Variants in RBMS3 observed in about 807,000 individuals in gnomAD.
The protein encoded by RBMS3 is RNA-binding motif, single-stranded-interacting protein 3.
In RBMS3, 27 loss-of-function variants were observed where a neutral mutation model predicts 66.8. The ratio of observed to expected loss-of-function variants is 0.40; its 90% CI spans 0.30 to 0.56. RBMS3 has a LOEUF of 0.56. Among genes scored for constraint, RBMS3 ranks in the 20% least tolerant of loss-of-function variants. RBMS3 has a pLI of 0.40. For missense variants in RBMS3, 513 were observed against 549.5 expected, an observed-to-expected ratio of 0.93 and a Z score of 0.66; for synonymous variants, 188 against 183.0, an observed-to-expected ratio of 1.03 and a Z score of -0.22.
intron 4 of RBMS3, among the ~76,000 whole-genome samples, chr3:29,677,654 T>C (rs2051312649): frequency 6.6e-6 from 1 of 152,218 alleles, no homozygotes; most frequent in South Asian, 2.1e-4. Context: ...GTGGCATTTT[T>C]CCAGTTTTAC....
chr3:29,333,084 T>C (rs2035756031), intron 1 of RBMS3, among the ~76,000 whole-genome samples: 2 of 152,182 alleles, frequency 1.3e-5, no homozygotes, highest in Non-Finnish European at 2.9e-5. Context: ...ATGTACTTTT[T>C]TTCATTAGGA....
At chr3:29,716,113 C>T (rs760974551) in intron 4 of RBMS3, among the ~76,000 whole-genome samples, 6 of 152,118 alleles carry the variant, frequency 3.9e-5, no homozygotes, top group Non-Finnish European at 8.8e-5. Context: ...GTGAGGAAAA[C>T]GGAACTTTTA....
chr3:29,838,269 G>A (rs2058577955), intron 6 of RBMS3, among the ~76,000 whole-genome samples: 1 of 151,828 alleles, frequency 6.6e-6, no homozygotes, highest in South Asian at 2.1e-4. Context: ...AGCTTGAGAG[G>A]TGGAGGCTGC....
intron 1 of RBMS3, among the ~76,000 whole-genome samples, chr3:29,340,970 T>C (rs1250154057): frequency 6.6e-6 from 1 of 152,082 alleles, no homozygotes; most frequent in Non-Finnish European, 1.5e-5. Flanking sequence ...TTTAATATAT[T>C]TGTCTGTTTT....
intron 4 of RBMS3, chr3:29,731,062 G>A (rs1421540644): frequency 1.0e-6 from 1 of 979,118 alleles, no homozygotes; most frequent in Non-Finnish European, 1.2e-6. Context: ...ATCATTCACT[G>A]CCTAACTCAA....
At position 29,896,366 on chromosome 3, in the gene RBMS3, TA is replaced by T. The variant is rs532052597; in HGVS notation, c.792-1003del. Among the ~76,000 whole-genome samples, 85 of 145,660 alleles carry T rather than the reference TA, an allele frequency of 5.8e-4. 2 individuals carry two copies. The highest frequency in any genetic ancestry group is 1.8e-3 in the East Asian group (9 of 4,990). ...TAAATTCCAAGCTCAGTCATACTAT[TA>T]AAAAAAAAACAAAACATAGTAATTG... On this transcript the variant is annotated intron_variant, in intron 8 of 14. Coordinates refer to ENST00000383767, the MANE Select transcript of RBMS3 (RefSeq NM_001003793.3).
intron 1 of RBMS3, among the ~76,000 whole-genome samples, chr3:29,379,161 A>G (rs1038675480): frequency 1.3e-5 from 2 of 152,192 alleles, no homozygotes; most frequent in Admixed American, 1.3e-4. Flanking sequence ...GCCCTCACAT[A>G]CAGTGCAAGT....
At chr3:29,832,151 A>G (rs940084386) in intron 6 of RBMS3, among the ~76,000 whole-genome samples, 1 of 152,234 alleles carries the variant, frequency 6.6e-6, no homozygotes, top group Non-Finnish European at 1.5e-5. Flanking sequence ...AATGTATTTA[A>G]TACTTTTACT....
intron 4 of RBMS3, among the ~76,000 whole-genome samples, chr3:29,676,502 TATTC>T (rs1240114317): frequency 2.0e-5 from 3 of 152,250 alleles, no homozygotes; most frequent in African/African-American, 7.2e-5. Context: ...CAAATTCAAT[TATTC>T]ATATTACTGC....
chr3:29,627,560 A>G (rs888423348), intron 4 of RBMS3, among the ~76,000 whole-genome samples: 1 of 152,164 alleles, frequency 6.6e-6, no homozygotes, highest in African/African-American at 2.4e-5. Flanking sequence ...ATGTTAGCTT[A>G]GATACTACTT....
chr3:29,973,239 C>T (rs1697338795), intron 12 of RBMS3, among the ~76,000 whole-genome samples: 1 of 151,928 alleles, frequency 6.6e-6, no homozygotes, highest in Admixed American at 6.6e-5. Flanking sequence ...TTAAGGAACA[C>T]TGAAGAGGGT....
chr3:29,338,314 A>G (rs1367751883), intron 1 of RBMS3, among the ~76,000 whole-genome samples: 1 of 152,198 alleles, frequency 6.6e-6, no homozygotes, highest in Non-Finnish European at 1.5e-5. Context: ...ATAAAAGCAA[A>G]TAAAATGTGT....
chr3:29,533,645 C>T (rs2045447531), intron 3 of RBMS3, among the ~76,000 whole-genome samples: 2 of 152,038 alleles, frequency 1.3e-5, no homozygotes, highest in East Asian at 1.9e-4. Flanking sequence ...GGCATGATGG[C>T]ACATGCCTGT....
At chr3:29,499,253 C>T (rs189748197) in intron 3 of RBMS3, among the ~76,000 whole-genome samples, 64 of 151,438 alleles carry the variant, frequency 4.2e-4, no homozygotes, top group African/African-American at 1.4e-3. Flanking sequence ...TCATCATTTG[C>T]TTTGGTGCTA....
At chr3:29,795,114 T>A (rs1439677820) in intron 6 of RBMS3, among the ~76,000 whole-genome samples, 3 of 152,176 alleles carry the variant, frequency 2.0e-5, no homozygotes, top group Non-Finnish European at 4.4e-5. Context: ...TTATGTCAGC[T>A]GTTGTTTGAT....
chr3:29,964,382 A>G (rs1211599176), intron 12 of RBMS3, among the ~76,000 whole-genome samples: 2 of 152,212 alleles, frequency 1.3e-5, no homozygotes, highest in African/African-American at 4.8e-5. Context: ...GAGTGGTATG[A>G]TAGCAGAAAT....
intron 6 of RBMS3, among the ~76,000 whole-genome samples, chr3:29,830,354 A>G (rs931032381): frequency 5.9e-5 from 9 of 152,208 alleles, no homozygotes; most frequent in African/African-American, 2.2e-4. Context: ...TTTGGAGCAG[A>G]TATCAAGGAG....
chr3:29,426,529 A>G (rs564250218), intron 1 of RBMS3, among the ~76,000 whole-genome samples: 1 of 152,374 alleles, frequency 6.6e-6, no homozygotes, highest in Admixed American at 6.5e-5. Context: ...AAAAACTAAC[A>G]TTTAGAGCAA....
intron 4 of RBMS3, among the ~76,000 whole-genome samples, chr3:29,687,475 A>C (rs2051784236): frequency 6.6e-6 from 1 of 152,206 alleles, no homozygotes; most frequent in Non-Finnish European, 1.5e-5. Flanking sequence ...CTTCAACATG[A>C]AGACATTAAG....
Sources: gnomAD v4.1 joint callset for allele counts (sites outside exome capture counted in the v4.1 genomes callset) on GRCh38, gnomAD v4.1.1 for gene constraint, MANE v1.5 for transcripts, NCBI Gene and HGNC (gene_info 2026-07-23, HGNC 2026-07-21) for gene names.